The following RPH3AL variants were observed in gnomAD, a reference collection of about 807,000 sequenced individuals.
The protein encoded by RPH3AL is rab effector Noc2.
Under a neutral mutation model 43.1 loss-of-function variants are expected in RPH3AL, and 38 were observed. The ratio of observed to expected loss-of-function variants is 0.88; its 90% confidence interval spans 0.68 to 1.15. The LOEUF (loss-of-function observed/expected upper bound fraction) is 1.15, where lower values mean the gene tolerates loss of function less well. RPH3AL is among the 50% of genes most tolerant of loss of function. The pLI, the probability that RPH3AL is intolerant of heterozygous loss-of-function variation, is 0.00. For synonymous variants in RPH3AL, 189 were observed against 176.3 expected (o/e 1.07, Z -0.57); for missense variants, 462 against 423.2 (o/e 1.09, Z -0.81).
At chr17:220,102 T>G (rs1159857680) in intron 7 of RPH3AL, among the ~76,000 whole-genome samples, 1 of 147,702 alleles carries the variant, frequency 6.8e-6, no homozygotes, top group Admixed American at 6.8e-5. Context: ...ACAACAGATC[T>G]GAGGCCTCCA....
intron 1 of RPH3AL, among the ~76,000 whole-genome samples, chr17:338,059 G>C (rs1394173534): frequency 1.3e-5 from 2 of 152,190 alleles, no homozygotes; most frequent in Non-Finnish European, 2.9e-5. Flanking sequence ...CCACAGCTCT[G>C]CCTACGTGTC....
chr17:273,435 C>T (rs1326240366), intron 6 of RPH3AL, among the ~76,000 whole-genome samples: 1 of 85,616 alleles, frequency 1.2e-5, no homozygotes, highest in African/African-American at 4.0e-5. Context: ...GCGAGGGCGA[C>T]GTCAGGAAGA....
At chr17:321,226 A>T in intron 4 of RPH3AL, 46 bp downstream of exon 4, 4 of 1,581,884 alleles carry the variant, frequency 2.5e-6, no homozygotes, top group Non-Finnish European at 3.4e-6. Context: ...GCTTGCGCCA[A>T]AGCCCTTGCT....
chr17:276,109 T>C (rs546050001), intron 6 of RPH3AL, among the ~76,000 whole-genome samples: 2 of 152,152 alleles, frequency 1.3e-5, no homozygotes, highest in African/African-American at 4.8e-5. Context: ...GACGAGACAG[T>C]TGGGAGCACC....
intron 5 of RPH3AL, among the ~76,000 whole-genome samples, chr17:312,446 G>C (rs905822339): frequency 1.3e-5 from 2 of 152,260 alleles, no homozygotes; most frequent in South Asian, 2.1e-4. Context: ...TCAGAATTTC[G>C]TGCCTCCAAA....
At chr17:302,053 C>A (rs532316947) in intron 5 of RPH3AL, among the ~76,000 whole-genome samples, 25 of 152,322 alleles carry the variant, frequency 1.6e-4, no homozygotes, top group Admixed American at 6.5e-4. Context: ...GCGAACTGGG[C>A]GGCAAACCTG....
intron 6 of RPH3AL, among the ~76,000 whole-genome samples, chr17:253,656 T>C (rs62056574): frequency 1.8e-5 from 2 of 111,662 alleles, no homozygotes; most frequent in African/African-American, 3.2e-5. Context: ...CACCCCAGTC[T>C]GCTGTCTGTC....
rs1268610544 is a variant in RPH3AL at position 323,380 on chromosome 17, T to C, written c.78-1965A>G. On this transcript the variant is annotated intron_variant, in intron 3 of 9. Transcript: ENST00000331302. This position sits in a 1 kb window ranked among gnomAD's most constrained non-coding sequence, Gnocchi z 4.4. ...TGGAAGGGGGGCAAGGCCAGTAGAG[T>C]GGGCAGCCTCTGCCTGGACTACCTG... Among the ~76,000 whole-genome samples, 1 of 151,196 alleles carries C rather than the reference T, an allele frequency of 6.6e-6. No homozygotes were observed. The highest frequency in any genetic ancestry group is 1.9e-4 in the East Asian group (1 of 5,134).
In RPH3AL at chr17:323,544, C is replaced by G. The variant is rs1381614127; in HGVS notation, c.78-2129G>C. Among the ~76,000 whole-genome samples, 1 of 152,198 alleles carries G rather than the reference C, an allele frequency of 6.6e-6. No homozygotes were observed. Among genetic ancestry groups the G allele is most frequent in the East Asian group, 1.9e-4 (1 of 5,198 alleles). ...GTCAGTGATGGGCCAGGACACACTT[C>G]GTGTGGTTCCCGGGCCAGGGGAAGG... On this transcript the variant is annotated intron_variant, in intron 3 of 9. Transcript: ENST00000331302. This position sits in a 1 kb window ranked among gnomAD's most constrained non-coding sequence, Gnocchi z 4.4.
chr17:327,325 G>A, intron 3 of RPH3AL, 142 bp downstream of exon 3: 2 of 715,168 alleles, frequency 2.8e-6, no homozygotes, highest in Non-Finnish European at 5.0e-6. Flanking sequence ...TGTGTCCAGG[G>A]CCTGGAGTGT....
intron 5 of RPH3AL, among the ~76,000 whole-genome samples, chr17:314,702 A>G (rs2043838185): frequency 1.6e-4 from 21 of 133,128 alleles, no homozygotes; most frequent in African/African-American, 4.1e-4. Flanking sequence ...ATTGACCTGT[A>G]GTCTCTGTGC....
Position 227,242 on chromosome 17 carries a change from G to A in RPH3AL, c.614-7506C>T, listed in dbSNP as rs564508059. On this transcript the variant is annotated intron_variant, in intron 7 of 9. Coordinates refer to ENST00000331302, the MANE Select transcript of RPH3AL (RefSeq NM_006987.4). ...AGCCGTGCCCACTTCTCTGGGGAGA[G>A]GCCAGCTTTTCTTTCCCCCTGCTCA... Among the ~76,000 whole-genome samples, 146 of 152,348 alleles carry A rather than the reference G, an allele frequency of 9.6e-4. 6 individuals carry two copies. The South Asian group carries it at 0.029, about 30-fold the overall frequency.
At chr17:227,812 G>C (rs973787055) in intron 7 of RPH3AL, among the ~76,000 whole-genome samples, 1 of 152,210 alleles carries the variant, frequency 6.6e-6, no homozygotes, top group Non-Finnish European at 1.5e-5. Context: ...TAGAGGAAGA[G>C]AGATATTTTC....
chr17:316,866 C>G (rs1252200856), intron 5 of RPH3AL, among the ~76,000 whole-genome samples: 2 of 135,408 alleles, frequency 1.5e-5, no homozygotes, highest in Non-Finnish European at 3.2e-5. Flanking sequence ...ATGTGTAGTC[C>G]CTGTGCTCCA....
chr17:249,075 G>A (rs1245005065), intron 6 of RPH3AL, among the ~76,000 whole-genome samples: 1 of 152,152 alleles, frequency 6.6e-6, no homozygotes, highest in Non-Finnish European at 1.5e-5. Flanking sequence ...AGAATTCAGA[G>A]CAGCTGCTGA....
intron 4 of RPH3AL, 114 bp downstream of exon 4, chr17:321,157 CA>C (rs2044459122): frequency 6.1e-6 from 8 of 1,311,660 alleles, no homozygotes; most frequent in Admixed American, 2.0e-5. Flanking sequence ...CCTCCTCACC[CA>C]CTCCCAGAGG....
intron 1 of RPH3AL, among the ~76,000 whole-genome samples, chr17:343,142 A>G (rs2045159896): frequency 6.6e-6 from 1 of 152,166 alleles, no homozygotes; most frequent in South Asian, 2.1e-4. Context: ...TCCCACTTGC[A>G]AAAAAACACA....
intron 1 of RPH3AL, among the ~76,000 whole-genome samples, chr17:351,886 A>G (rs2045360270): frequency 1.3e-5 from 2 of 152,192 alleles, no homozygotes; most frequent in African/African-American, 4.8e-5. Flanking sequence ...GTGCCTGACG[A>G]GGTAAACCTA....
At chr17:314,093 G>A (rs905948112) in intron 5 of RPH3AL, among the ~76,000 whole-genome samples, 1 of 152,206 alleles carries the variant, frequency 6.6e-6, no homozygotes, top group Non-Finnish European at 1.5e-5. Context: ...GACAGCCACT[G>A]TTGCCTAAGA....
Sources: gnomAD v4.1 joint callset for allele counts (sites outside exome capture counted in the v4.1 genomes callset) on GRCh38, gnomAD v4.1.1 for gene constraint, Gnocchi (gnomAD v3.1) non-coding constraint, MANE v1.5 for transcripts, NCBI Gene and HGNC (gene_info 2026-07-23, HGNC 2026-07-21) for gene names.